Variants in DPP6 observed in about 807,000 individuals in gnomAD.
The protein encoded by DPP6 is dipeptidyl peptidase like 6.
A neutral mutation model predicts 122.6 loss-of-function variants in DPP6; 69 were observed. That is an observed-to-expected ratio of 0.56 (90% CI 0.46 to 0.69). The LOEUF (loss-of-function observed/expected upper bound fraction) is 0.69, where lower values mean the gene tolerates loss of function less well. DPP6 is among the 30% of genes least tolerant of loss of function. DPP6 has a pLI of 0.00. For synonymous variants in DPP6, 418 were observed against 433.1 expected (o/e 0.97, Z 0.43); for missense variants, 928 against 1,116.9 (o/e 0.83, Z 2.41).
At chr7:154,535,327 G>T (rs532517802) in intron 3 of DPP6, among the ~76,000 whole-genome samples, 1 of 145,980 alleles carries the variant, frequency 6.9e-6, no homozygotes, top group Non-Finnish European at 1.5e-5. Flanking sequence ...AATTTCTCAG[G>T]ACACTAAAAA....
chr7:154,078,982 G>T (rs1250441561), intron 1 of DPP6, among the ~76,000 whole-genome samples: 5 of 151,480 alleles, frequency 3.3e-5, no homozygotes, highest in African/African-American at 1.2e-4. Flanking sequence ...ACCTGGGCCG[G>T]GTGTGGTGGC....
chr7:154,793,176 A>C (rs1797797628), intron 10 of DPP6, among the ~76,000 whole-genome samples: 1 of 152,168 alleles, frequency 6.6e-6, no homozygotes, highest in Admixed American at 6.5e-5. Flanking sequence ...GTAAGACCAC[A>C]AAGTAATCAT....
intron 1 of DPP6, among the ~76,000 whole-genome samples, chr7:153,946,218 A>G (rs1481291508): frequency 6.6e-6 from 1 of 152,164 alleles, no homozygotes; most frequent in African/African-American, 2.4e-5. Flanking sequence ...TAAAGAAACA[A>G]AAGAATGGCT....
intron 1 of DPP6, among the ~76,000 whole-genome samples, chr7:154,060,241 A>G (rs1801523753): frequency 2.5e-5 from 3 of 121,086 alleles, no homozygotes; most frequent in African/African-American, 6.8e-5. Context: ...TAGGATCCCC[A>G]TCGCTGGGGG....
At chr7:154,715,568 C>T (rs750987002) in intron 7 of DPP6, among the ~76,000 whole-genome samples, 51 of 152,266 alleles carry the variant, frequency 3.3e-4, no homozygotes, top group Non-Finnish European at 5.4e-4. Flanking sequence ...AGACAATTTT[C>T]GACTGCAGTA....
the DPP6 span, among the ~76,000 whole-genome samples, chr7:153,790,352 T>C: frequency 8.3e-6 from 1 of 120,000 alleles, no homozygotes; most frequent in East Asian, 2.0e-4. Flanking sequence ...TTTCAGTAAC[T>C]AATTTTTATA....
At chr7:154,511,060 A>T (rs1826054491) in intron 3 of DPP6, among the ~76,000 whole-genome samples, 1 of 152,146 alleles carries the variant, frequency 6.6e-6, no homozygotes, top group Admixed American at 6.5e-5. Context: ...CATGTTCTCC[A>T]GTAAGGAATG....
chr7:154,260,744 T>C (rs1292118516), intron 1 of DPP6, among the ~76,000 whole-genome samples: 2 of 147,864 alleles, frequency 1.4e-5, no homozygotes, highest in Non-Finnish European at 3.0e-5. Context: ...ATATGTATAA[T>C]ATATATATTA....
intron 8 of DPP6, among the ~76,000 whole-genome samples, chr7:154,751,925 T>G (rs487479): frequency 1 from 151,612 of 152,220 alleles, 75,506 homozygotes; most frequent in Middle Eastern, 1. Context: ...AGTGTCACCC[T>G]AAAAAGGGAT....
intron 1 of DPP6, among the ~76,000 whole-genome samples, chr7:154,043,203 C>T (rs977403824): frequency 6.6e-6 from 1 of 152,006 alleles, no homozygotes; most frequent in Non-Finnish European, 1.5e-5. Context: ...ACCTGACCAA[C>T]ATCGTGAAAC....
chr7:154,164,148 C>T (rs886429551), intron 1 of DPP6, among the ~76,000 whole-genome samples: 15 of 151,942 alleles, frequency 9.9e-5, no homozygotes, highest in African/African-American at 1.9e-4. Flanking sequence ...AGAATAGGTG[C>T]CTGGGTTGTT....
Position 153,915,294 on chromosome 7 carries a change from T to C in DPP6, c.51+27560T>C, listed in dbSNP as rs114377170. Among the ~76,000 whole-genome samples, 515 of 152,274 alleles carry C rather than the reference T, an allele frequency of 3.4e-3. 3 individuals carry two copies. Among genetic ancestry groups the C allele is most frequent in the African/African-American group, 0.012 (488 of 41,550 alleles). ...ACCCATTTTCTGGCATCCTAAAGGATATCTAAGAACCTAGTGATGACACCC... is the reference window on the plus strand; with the variant it reads ...ACCCATTTTCTGGCATCCTAAAGGACATCTAAGAACCTAGTGATGACACCC... On this transcript the variant is annotated intron_variant, in intron 1 of 25. Coordinates refer to the DPP6 transcript ENST00000404039.
At chr7:154,439,984 A>G (rs1474799831) in intron 1 of DPP6, among the ~76,000 whole-genome samples, 2 of 152,152 alleles carry the variant, frequency 1.3e-5, no homozygotes, top group Non-Finnish European at 2.9e-5. Flanking sequence ...CACATGGAGG[A>G]CGTGGTGGAC....
At chr7:153,883,091 C>T (rs1397428586), upstream of DPP6, among the ~76,000 whole-genome samples, 2 of 152,044 alleles carry the variant, frequency 1.3e-5, no homozygotes, top group Admixed American at 1.3e-4. Context: ...ACCACCTTCG[C>T]ATCCCCGTTT....
chr7:154,192,942 T>G (rs548368566), intron 1 of DPP6, among the ~76,000 whole-genome samples: 3 of 152,352 alleles, frequency 2.0e-5, no homozygotes, highest in African/African-American at 7.2e-5. Flanking sequence ...ATGCATCATT[T>G]GAAATAGTAA....
At chr7:153,807,318 G>A in the DPP6 span, among the ~76,000 whole-genome samples, 4 of 151,714 alleles carry the variant, frequency 2.6e-5, no homozygotes, top group Non-Finnish European at 4.4e-5. Context: ...CAGGAGAATC[G>A]CTTGAACCAG....
intron 1 of DPP6, among the ~76,000 whole-genome samples, chr7:154,012,040 C>G (rs1438691268): frequency 1.3e-5 from 2 of 152,170 alleles, no homozygotes; most frequent in East Asian, 1.9e-4. Flanking sequence ...TTAATTATAA[C>G]AAAATGGCAA....
In DPP6 at chr7:154,492,093, C is replaced by T. The variant is rs76653767; in HGVS notation, c.457+17056C>T. Among the ~76,000 whole-genome samples, 56 of 152,280 alleles carry T rather than the reference C, an allele frequency of 3.7e-4. No individual in the cohort carries two copies. In the East Asian group the frequency reaches 0.01, roughly 28 times the overall value. ...AAAGTGCTGCTAGGTGCCTAAAGCT[C>T]TGATTTGTTAGATGACTTGGGATCA... On this transcript the variant is annotated intron_variant, in intron 3 of 25. Transcript: ENST00000377770.
rs537869668 is a variant in DPP6, at chr7:153,912,567, G to A, written c.51+24833G>A. On this transcript the variant is annotated intron_variant, in intron 1 of 25. Coordinates refer to the DPP6 transcript ENST00000404039. ...TGCAGCATTTCCTACAGAGCTATTT[G>A]TAAGAGGAAAGCAATGGAGGTAGAG... Among the ~76,000 whole-genome samples, 5 of 152,324 alleles carry A rather than the reference G, an allele frequency of 3.3e-5. No homozygotes were observed. The South Asian group carries it at 1.0e-3, about 32-fold the overall frequency.
Sources: gnomAD v4.1 joint callset for allele counts (sites outside exome capture counted in the v4.1 genomes callset) on GRCh38, gnomAD v4.1.1 for gene constraint, MANE v1.5 for transcripts, NCBI Gene and HGNC (gene_info 2026-07-23, HGNC 2026-07-21) for gene names.